The following TMEM132D variants were observed in gnomAD, a reference collection of about 807,000 sequenced individuals.
The protein encoded by TMEM132D is mature OL transmembrane protein.
In TMEM132D, 21 loss-of-function variants were observed where a neutral mutation model predicts 62.3. That is an observed-to-expected ratio of 0.34 (90% CI 0.24 to 0.49). TMEM132D has a LOEUF of 0.49. TMEM132D is among the 20% of genes least tolerant of loss of function. TMEM132D has a pLI of 0.99. For synonymous variants in TMEM132D, 621 were observed against 575.6 expected, an observed-to-expected ratio of 1.08 and a Z score of -1.13; for missense variants, 1,346 against 1,402.8, an observed-to-expected ratio of 0.96 and a Z score of 0.65.
At chr12:129,180,811 G>A (rs1593287567) in intron 5 of TMEM132D, among the ~76,000 whole-genome samples, 1 of 152,144 alleles carries the variant, frequency 6.6e-6, no homozygotes, top group East Asian at 1.9e-4. Flanking sequence ...GATGGCCAGT[G>A]TGGCTGGGGC....
intron 2 of TMEM132D, among the ~76,000 whole-genome samples, chr12:129,675,375 G>T (rs927386904): frequency 1.3e-5 from 2 of 151,832 alleles, no homozygotes; most frequent in Admixed American, 6.6e-5. Flanking sequence ...GCCTGTCGGG[G>T]GGTGGGGGGC....
intron 1 of TMEM132D, among the ~76,000 whole-genome samples, chr12:129,734,737 G>A (rs1869365177): frequency 6.6e-6 from 1 of 152,012 alleles, no homozygotes; most frequent in South Asian, 2.1e-4. Context: ...ATTGCTTCAG[G>A]AAACAAAAGC....
chr12:129,849,503 C>G (rs937964136), intron 1 of TMEM132D, among the ~76,000 whole-genome samples: 8 of 152,142 alleles, frequency 5.3e-5, no homozygotes, highest in Non-Finnish European at 1.2e-4. Context: ...TGAATCTACT[C>G]GAGTTATGTG....
chr12:129,348,701 C>T (rs1470993538), intron 3 of TMEM132D, among the ~76,000 whole-genome samples: 1 of 152,220 alleles, frequency 6.6e-6, no homozygotes, highest in Non-Finnish European at 1.5e-5. Context: ...GCACATGTAT[C>T]CCAGAACTTA....
chr12:129,809,045 C>T (rs1000960364), intron 1 of TMEM132D, among the ~76,000 whole-genome samples: 2 of 152,236 alleles, frequency 1.3e-5, no homozygotes, highest in Admixed American at 1.3e-4. Flanking sequence ...CAGTGGCTCA[C>T]GCCTGTAATC....
At chr12:129,132,016 G>A (rs1239891605) in intron 5 of TMEM132D, among the ~76,000 whole-genome samples, 1 of 152,066 alleles carries the variant, frequency 6.6e-6, no homozygotes, top group Non-Finnish European at 1.5e-5. Flanking sequence ...AGATTCACTG[G>A]GACAAAGTAA....
intron 3 of TMEM132D, among the ~76,000 whole-genome samples, chr12:129,530,121 A>C (rs7967443): frequency 0.22 from 33,051 of 152,060 alleles, 3,868 homozygotes; most frequent in East Asian, 0.41. Context: ...AAAGAATCCA[A>C]ATCAAATCAT....
intron 5 of TMEM132D, among the ~76,000 whole-genome samples, chr12:129,174,278 T>G (rs1207534282): frequency 6.6e-6 from 1 of 152,172 alleles, no homozygotes; most frequent in Non-Finnish European, 1.5e-5. Context: ...CCTCCCTGTG[T>G]CCATGCGTTC....
chr12:129,622,082 G>A (rs545195766), intron 2 of TMEM132D, among the ~76,000 whole-genome samples: 1 of 152,294 alleles, frequency 6.6e-6, no homozygotes, highest in African/African-American at 2.4e-5. Flanking sequence ...CAGTAGGTAC[G>A]TGGGGGAACT....
chr12:129,347,683 T>C (rs944769589), intron 3 of TMEM132D, among the ~76,000 whole-genome samples: 2 of 152,052 alleles, frequency 1.3e-5, no homozygotes, highest in African/African-American at 4.8e-5. Context: ...CCAAAAGCAA[T>C]GGCAACAAAA....
intron 3 of TMEM132D, among the ~76,000 whole-genome samples, chr12:129,512,148 C>A (rs147553574): frequency 9.8e-5 from 15 of 152,314 alleles, no homozygotes; most frequent in African/African-American, 3.6e-4. Context: ...CCTAATAAGA[C>A]CATGATCCAA....
chr12:129,112,563 T>G (rs1219700217), intron 5 of TMEM132D, among the ~76,000 whole-genome samples: 4 of 152,192 alleles, frequency 2.6e-5, no homozygotes, highest in Non-Finnish European at 5.9e-5. Context: ...CTCAGGAGGC[T>G]GAGGCAGGAG....
intron 5 of TMEM132D, among the ~76,000 whole-genome samples, chr12:129,193,588 A>G (rs1878471412): frequency 6.6e-6 from 1 of 152,270 alleles, no homozygotes; most frequent in South Asian, 2.1e-4. Flanking sequence ...AACACAAAGT[A>G]TGTGTGTTAA....
chr12:129,151,105 A>G (rs1877057769), intron 5 of TMEM132D, among the ~76,000 whole-genome samples: 1 of 152,220 alleles, frequency 6.6e-6, no homozygotes. Context: ...CACGAGGCAC[A>G]TCCACCAAGA....
At chr12:129,553,216 C>G (rs965514102) in intron 2 of TMEM132D, among the ~76,000 whole-genome samples, 16 of 152,130 alleles carry the variant, frequency 1.1e-4, no homozygotes, top group African/African-American at 3.6e-4. Context: ...ACCACTGCTG[C>G]CCCGATGCCC....
rs1174160062 is a variant in TMEM132D, at chr12:129,740,223, T to C, written c.80-39525A>G. ...CTCTTCAATCACCCCTTGGAAGATGTTGTCCATTTCTTTCTAGGATTTTGA... is the reference window on the plus strand; with the variant it reads ...CTCTTCAATCACCCCTTGGAAGATGCTGTCCATTTCTTTCTAGGATTTTGA... On this transcript the variant is annotated intron_variant, in intron 1 of 8. Transcript: ENST00000422113. 2.6e-5 allele frequency among the ~76,000 whole-genome samples: 4 copies of C among 152,244 alleles called. No homozygotes were observed. The East Asian group carries it at 5.8e-4, about 22-fold the overall frequency.
chr12:129,842,432 T>C (rs1873226782), intron 1 of TMEM132D, among the ~76,000 whole-genome samples: 1 of 151,472 alleles, frequency 6.6e-6, no homozygotes, highest in East Asian at 2.0e-4. Context: ...ATCCTACTGA[T>C]GCCATTGAGG....
chr12:129,428,546 A>G (rs1407714505), intron 3 of TMEM132D, among the ~76,000 whole-genome samples: 1 of 152,176 alleles, frequency 6.6e-6, no homozygotes, highest in African/African-American at 2.4e-5. Flanking sequence ...GATTTCAGAG[A>G]CTTTGATTTT....
At chr12:129,463,246 TC>T (rs1349778451) in intron 3 of TMEM132D, among the ~76,000 whole-genome samples, 1 of 152,092 alleles carries the variant, frequency 6.6e-6, no homozygotes, top group African/African-American at 2.4e-5. Flanking sequence ...GAGCCTCATT[TC>T]CTTATTTTAT....
Sources: gnomAD v4.1 joint callset for allele counts (sites outside exome capture counted in the v4.1 genomes callset) on GRCh38, gnomAD v4.1.1 for gene constraint, MANE v1.5 for transcripts, NCBI Gene and HGNC (gene_info 2026-07-23, HGNC 2026-07-21) for gene names.